The following SCAPER variants were observed in gnomAD, a reference collection of about 807,000 sequenced individuals.
SCAPER encodes S phase cyclin A-associated protein in the endoplasmic reticulum.
Under a neutral mutation model 182.2 loss-of-function variants are expected in SCAPER, and 98 were observed. The observed-to-expected ratio is 0.54, with a 90% CI of 0.46 to 0.64. The LOEUF (loss-of-function observed/expected upper bound fraction) is 0.64, where lower values mean the gene tolerates loss of function less well. SCAPER is among the 30% of genes least tolerant of loss of function. The probability of loss-of-function intolerance (pLI) is 0.00; values close to 1 mark genes in which losing one functional copy is unlikely to be tolerated. For synonymous variants in SCAPER, 605 were observed against 564.6 expected, an observed-to-expected ratio of 1.07 and a Z score of -1.01; for missense variants, 1,432 against 1,690.0, an observed-to-expected ratio of 0.85 and a Z score of 2.68.
At chr15:76,471,934 C>G (rs1184719274) in intron 24 of SCAPER, among the ~76,000 whole-genome samples, 1 of 152,056 alleles carries the variant, frequency 6.6e-6, no homozygotes, top group Non-Finnish European at 1.5e-5. Flanking sequence ...TCAAACTGAT[C>G]AAAGAAATGT....
chr15:76,357,189 C>CACACACACACACACACACAA (rs1555410451), intron 29 of SCAPER, among the ~76,000 whole-genome samples: 22 of 146,492 alleles, frequency 1.5e-4, no homozygotes, highest in Admixed American at 8.9e-4. Flanking sequence ...CACACACACA[C>CACACACACACACACACACAA]CCCTATGGCC....
chr15:76,458,848 CTAA>C (rs1196392262), intron 25 of SCAPER, among the ~76,000 whole-genome samples: 2 of 152,136 alleles, frequency 1.3e-5, no homozygotes, highest in Non-Finnish European at 2.9e-5. Context: ...TTCCAGGCCT[CTAA>C]TAATAACTAA....
chr15:76,877,817 T>G (rs2073272138), intron 2 of SCAPER, among the ~76,000 whole-genome samples: 1 of 152,052 alleles, frequency 6.6e-6, no homozygotes, highest in Non-Finnish European at 1.5e-5. Context: ...AAGAAGAAAA[T>G]AACTATAAAA....
chr15:76,722,115 T>G (rs1293731881), intron 17 of SCAPER, among the ~76,000 whole-genome samples: 1 of 152,224 alleles, frequency 6.6e-6, no homozygotes, highest in South Asian at 2.1e-4. Context: ...ATACCTAATT[T>G]ATTGAGAATT....
At chr15:76,367,531 G>A (rs2041890733) in intron 29 of SCAPER, among the ~76,000 whole-genome samples, 1 of 152,152 alleles carries the variant, frequency 6.6e-6, no homozygotes, top group Non-Finnish European at 1.5e-5. Context: ...GGATAACTGA[G>A]GTTCGTGCAC....
At chr15:76,551,920 T>C (rs1683653831) in intron 23 of SCAPER, among the ~76,000 whole-genome samples, 1 of 152,058 alleles carries the variant, frequency 6.6e-6, no homozygotes, top group African/African-American at 2.4e-5. Flanking sequence ...ATTGCTCCTC[T>C]TTCTTTGGCC....
intron 5 of SCAPER, among the ~76,000 whole-genome samples, chr15:76,831,967 T>C (rs947789826): frequency 1.3e-5 from 2 of 152,022 alleles, no homozygotes; most frequent in Non-Finnish European, 2.9e-5. Flanking sequence ...CATCAAAGAA[T>C]ATAAGAGCAA....
At chr15:76,898,474 A>C (rs981539487) in intron 1 of SCAPER, among the ~76,000 whole-genome samples, 2 of 152,388 alleles carry the variant, frequency 1.3e-5, no homozygotes, top group South Asian at 2.1e-4. Context: ...ATAGCCAAAA[A>C]GTAGAAACAG....
intron 20 of SCAPER, among the ~76,000 whole-genome samples, chr15:76,685,572 A>G (rs887556232): frequency 1.6e-4 from 25 of 152,128 alleles, no homozygotes; most frequent in African/African-American, 6.0e-4. Context: ...ATATTCTTAA[A>G]GGCCTAATTG....
At chr15:76,828,595 CCAAT>C (rs34551847) in intron 5 of SCAPER, among the ~76,000 whole-genome samples, 23,115 of 151,982 alleles carry the variant, frequency 0.15, 1,934 homozygotes, top group African/African-American at 0.24. Context: ...ACTTATTTAA[CCAAT>C]CAAACAGTAA....
intron 2 of SCAPER, among the ~76,000 whole-genome samples, chr15:76,863,723 C>T (rs1447797919): frequency 2.0e-5 from 3 of 152,112 alleles, no homozygotes; most frequent in Admixed American, 6.5e-5. Flanking sequence ...ATCCACTCCC[C>T]GTGAATATGC....
In SCAPER at chr15:76,684,882, T is replaced by C. The variant is rs939563018; in HGVS notation, c.2508+16876A>G. 7.3e-5 allele frequency among the ~76,000 whole-genome samples: 11 copies of C among 150,766 alleles called. No homozygotes were observed. In the South Asian group the frequency reaches 1.3e-3, roughly 17 times the overall value. On this transcript the variant is annotated intron_variant, in intron 20 of 31. Transcript: ENST00000563290. Reference sequence around the variant, plus strand: ...GGTATTGTACAAATCTTCCAGAAAATAGAAAAAAAAGAGTTCCTAACTTAT... The same window carrying C: ...GGTATTGTACAAATCTTCCAGAAAACAGAAAAAAAAGAGTTCCTAACTTAT...
At chr15:76,683,367 A>C (rs932289264) in intron 20 of SCAPER, among the ~76,000 whole-genome samples, 2 of 152,184 alleles carry the variant, frequency 1.3e-5, no homozygotes, top group Non-Finnish European at 2.9e-5. Flanking sequence ...AAAAAGAATA[A>C]AGAAAAATGA....
chr15:76,529,476 T>C (rs1442189350), intron 23 of SCAPER, among the ~76,000 whole-genome samples: 4 of 152,214 alleles, frequency 2.6e-5, no homozygotes, highest in East Asian at 1.9e-4. Flanking sequence ...GTATGTTAGA[T>C]GGTCAGATGT....
At chr15:76,547,814 T>C (rs2045424014) in intron 23 of SCAPER, among the ~76,000 whole-genome samples, 1 of 152,186 alleles carries the variant, frequency 6.6e-6, no homozygotes, top group Non-Finnish European at 1.5e-5. Context: ...TTTGTACTAA[T>C]AAAAAACTTT....
chr15:76,598,938 TA>T (rs1173798554), intron 22 of SCAPER, among the ~76,000 whole-genome samples: 1,376 of 104,956 alleles, frequency 0.013, 140 homozygotes, highest in African/African-American at 0.035. Context: ...AAAGTATAAT[TA>T]AAAAAAAAAA....
At chr15:76,454,201 T>C (rs1433184258) in intron 25 of SCAPER, among the ~76,000 whole-genome samples, 2 of 152,214 alleles carry the variant, frequency 1.3e-5, no homozygotes, top group Admixed American at 1.3e-4. Flanking sequence ...ATCACATTAC[T>C]ACTTATCCTT....
chr15:76,839,262 T>G (rs936342243), intron 5 of SCAPER, among the ~76,000 whole-genome samples: 1 of 152,204 alleles, frequency 6.6e-6, no homozygotes, highest in Non-Finnish European at 1.5e-5. Flanking sequence ...AACTGAACTG[T>G]GATTATTTTA....
At position 76,354,962 on chromosome 15, in the gene SCAPER, A is replaced by G. The variant is rs1278736163; in HGVS notation, c.3856-822T>C. Among the ~76,000 whole-genome samples the G allele has an allele frequency of 1.3e-5, 2 of 152,228 alleles. No homozygotes were observed. The highest frequency in any genetic ancestry group is 2.4e-5 in the African/African-American group (1 of 41,456). On this transcript the variant is annotated intron_variant, in intron 29 of 31. Transcript: ENST00000563290. The surrounding 1 kb of genome is among the most constrained non-coding windows in gnomAD (Gnocchi z 4.4). ...TAATATGAAAGAGCTGGGTGACCCA[A>G]AGCCCACTTCGTGGTATAGGAGGAA... is the stretch of plus-strand genomic sequence containing the variant.
Sources: allele counts gnomAD v4.1 joint callset (sites outside exome capture counted in the v4.1 genomes callset), GRCh38; gene constraint gnomAD v4.1.1; non-coding constraint Gnocchi (gnomAD v3.1); transcripts MANE v1.5; gene names NCBI Gene and HGNC (gene_info 2026-07-23, HGNC 2026-07-21).